The following FAM13C variants were observed in gnomAD, a reference collection of about 807,000 sequenced individuals.
The protein encoded by FAM13C is protein FAM13C.
FAM13C carries 37 observed loss-of-function variants against 73.2 expected under a neutral mutation model. That is an observed-to-expected ratio of 0.51 (90% CI 0.39 to 0.67). FAM13C has a LOEUF of 0.67. Ranked by LOEUF, FAM13C falls within the 30% of genes least tolerant of loss-of-function variation. FAM13C has a pLI of 0.00. For synonymous variants in FAM13C, 246 were observed against 260.9 expected, an observed-to-expected ratio of 0.94 and a Z score of 0.55; for missense variants, 589 against 715.6, an observed-to-expected ratio of 0.82 and a Z score of 2.02.
intron 13 of FAM13C, among the ~76,000 whole-genome samples, chr10:59,249,408 G>GAAAAAAAAAA (rs71006241): frequency 3.0e-5 from 3 of 99,146 alleles, no homozygotes; most frequent in Non-Finnish European, 3.7e-5. Context: ...CGTCTCAAAA[G>GAAAAAAAAAA]AAAAAAAAAA....
chr10:59,292,204 A>G lies in FAM13C; in HGVS notation c.508-8757T>C, dbSNP rs191377200. Among the ~76,000 whole-genome samples, 198 of 152,332 alleles carry G rather than the reference A, an allele frequency of 1.3e-3. 1 individual carries two copies. The highest frequency in any genetic ancestry group is 4.6e-3 in the African/African-American group (191 of 41,578). On this transcript the variant is annotated intron_variant, in intron 5 of 13. Transcript: ENST00000618804. ...TGGAATGAACTTCAATAGTTTCTCA[A>G]TGGAGTTACTAGTACTTAAATTATC...
At chr10:59,347,834 T>C (rs1854517731) in intron 3 of FAM13C, among the ~76,000 whole-genome samples, 1 of 152,174 alleles carries the variant, frequency 6.6e-6, no homozygotes, top group South Asian at 2.1e-4. Context: ...GCTTCATCCA[T>C]GTCCCTGCAA....
At chr10:59,284,031 A>ATGTGTGTGTG (rs6143934) in intron 5 of FAM13C, among the ~76,000 whole-genome samples, 3,543 of 149,078 alleles carry the variant, frequency 0.024, 110 homozygotes, top group African/African-American at 0.078. Flanking sequence ...ATGCTGGGGT[A>ATGTGTGTGTG]TGTGTGTGTG....
intron 3 of FAM13C, among the ~76,000 whole-genome samples, chr10:59,329,359 T>TTTTTTTTTTTTTTTTTTTTCTG (rs1851642480): frequency 1.9e-5 from 1 of 51,554 alleles, no homozygotes; most frequent in Non-Finnish European, 3.8e-5. Context: ...TTTTTTTTTT[T>TTTTTTTTTTTTTTTTTTTTCTG]TTTTTTTTTT....
intron 6 of FAM13C, 98 bp from the exon 7 acceptor site, chr10:59,270,207 T>A: frequency 8.5e-7 from 1 of 1,180,796 alleles, no homozygotes; most frequent in Non-Finnish European, 1.2e-6. Flanking sequence ...TTATAATGGC[T>A]TGCCTCTTTG....
intron 5 of FAM13C, among the ~76,000 whole-genome samples, chr10:59,298,200 G>A (rs891684155): frequency 1.3e-5 from 2 of 152,196 alleles, no homozygotes; most frequent in African/African-American, 4.8e-5. Flanking sequence ...GCCAGCACAA[G>A]AGAGTTTCAT....
chr10:59,352,509 T>TA (rs1589723723), intron 2 of FAM13C, 35 bp from the exon 3 acceptor site: 9 of 1,533,948 alleles, frequency 5.9e-6, no homozygotes, highest in Middle Eastern at 3.4e-4. Flanking sequence ...GAAAGTACCT[T>TA]AAAAAAAGAT....
chr10:59,362,301 A>G (rs915711303), intron 1 of FAM13C, 98 bp downstream of exon 1: 2 of 1,512,992 alleles, frequency 1.3e-6, no homozygotes, highest in African/African-American at 2.8e-5. Context: ...CAATGCATCT[A>G]AAACGAACAG....
At chr10:59,329,353 T>G (rs1322443529) in intron 3 of FAM13C, among the ~76,000 whole-genome samples, 1 of 35,090 alleles carries the variant, frequency 2.8e-5, no homozygotes, top group African/African-American at 3.3e-4. Flanking sequence ...TTTTTTTTTT[T>G]TTTTTTTTTT....
intron 5 of FAM13C, among the ~76,000 whole-genome samples, chr10:59,295,068 G>A (rs1005364081): frequency 1.3e-5 from 2 of 152,184 alleles, no homozygotes; most frequent in African/African-American, 2.4e-5. Context: ...TTCAGAAATG[G>A]GCACATGCCC....
At chr10:59,339,851 A>T (rs1457016513) in intron 3 of FAM13C, among the ~76,000 whole-genome samples, 1 of 152,166 alleles carries the variant, frequency 6.6e-6, no homozygotes, top group South Asian at 2.1e-4. Flanking sequence ...AAAAAAGATG[A>T]CTGATTAAAA....
chr10:59,308,487 TA>T (rs1300927192), intron 4 of FAM13C, among the ~76,000 whole-genome samples: 2 of 142,088 alleles, frequency 1.4e-5, no homozygotes, highest in Non-Finnish European at 3.1e-5. Flanking sequence ...CCACTGCCAC[TA>T]CCATTGCCAC....
intron 3 of FAM13C, among the ~76,000 whole-genome samples, chr10:59,349,518 C>T (rs1854745425): frequency 2.0e-5 from 3 of 152,130 alleles, no homozygotes; most frequent in Admixed American, 2.0e-4. Flanking sequence ...TGCCTATATT[C>T]CCAGCACTTT....
In FAM13C at chr10:59,291,130, T is replaced by C. The variant is rs145990396; in HGVS notation, c.508-7683A>G. On this transcript the variant is annotated intron_variant, in intron 5 of 13. Transcript: ENST00000618804. ...TACTTGCCCCAGGGCCAGAAGCTTT[T>C]CTCTGAGCCCCAGCCCTCTGACTCC... Among the ~76,000 whole-genome samples, 668 of 152,208 alleles carry C rather than the reference T, an allele frequency of 4.4e-3. 3 individuals carry two copies. Among genetic ancestry groups the C allele is most frequent in the Middle Eastern group, 6.8e-3 (2 of 294 alleles).
intron 3 of FAM13C, among the ~76,000 whole-genome samples, chr10:59,325,378 TG>T (rs1302916943): frequency 6.6e-6 from 1 of 152,014 alleles, no homozygotes; most frequent in East Asian, 1.9e-4. Flanking sequence ...AGGGGTAAAA[TG>T]GGAACAGCTG....
chr10:59,275,459 A>G (rs1844221764), intron 6 of FAM13C, among the ~76,000 whole-genome samples: 1 of 152,194 alleles, frequency 6.6e-6, no homozygotes, highest in African/African-American at 2.4e-5. Flanking sequence ...GGTCACTTCC[A>G]GGCACTCTTT....
chr10:59,334,555 A>T (rs1852465699), intron 3 of FAM13C, among the ~76,000 whole-genome samples: 1 of 152,166 alleles, frequency 6.6e-6, no homozygotes, highest in Admixed American at 6.5e-5. Context: ...TGCCACATAT[A>T]CACCATGGAA....
At chr10:59,359,679 G>A (rs2132227076) in intron 1 of FAM13C, among the ~76,000 whole-genome samples, 1 of 152,312 alleles carries the variant, frequency 6.6e-6, no homozygotes, top group Non-Finnish European at 1.5e-5. Flanking sequence ...GAACTACTAT[G>A]TTTCTAAACA....
intron 5 of FAM13C, chr10:59,301,282 T>C (rs1446623213): frequency 6.6e-6 from 1 of 152,214 alleles, no homozygotes; most frequent in Non-Finnish European, 1.5e-5. Flanking sequence ...GCACATACTG[T>C]ATTCAACCAG....
Sources: allele counts gnomAD v4.1 joint callset (sites outside exome capture counted in the v4.1 genomes callset), GRCh38; gene constraint gnomAD v4.1.1; transcripts MANE v1.5; gene names NCBI Gene and HGNC (gene_info 2026-07-23, HGNC 2026-07-21).